Variants in PCDHA1 observed in about 807,000 individuals in gnomAD.
PCDHA1 encodes protocadherin alpha 1, also known as protocadherin alpha-1.
A neutral mutation model predicts 61.3 loss-of-function variants in PCDHA1; 42 were observed. The ratio of observed to expected loss-of-function variants is 0.69; its 90% CI spans 0.54 to 0.89. The LOEUF is 0.89. PCDHA1 is among the 40% of genes least tolerant of loss of function. PCDHA1 has a pLI of 0.00. For missense variants in PCDHA1, 1,256 were observed against 1,235.3 expected (o/e 1.02, Z -0.25); for synonymous variants, 610 against 553.8 (o/e 1.10, Z -1.43).
chr5:140,834,517 T>C, intron 1 of PCDHA1: 2 of 1,614,066 alleles, frequency 1.2e-6, no homozygotes, highest in South Asian at 1.1e-5. Context: ...GGCAACTTCG[T>C]GGGCCGCATC....
At chr5:140,841,820 G>A in intron 1 of PCDHA1, 2 of 1,613,910 alleles carry the variant, frequency 1.2e-6, no homozygotes, top group Non-Finnish European at 1.7e-6. Context: ...AGCTAACTCC[G>A]TGTTAACCTA....
chr5:140,814,582 T>C (rs1437019387), intron 1 of PCDHA1: 8 of 152,350 alleles, frequency 5.3e-5, no homozygotes, highest in South Asian at 2.1e-4. Flanking sequence ...TGTAAATTAC[T>C]GTACATAATT....
intron 1 of PCDHA1, chr5:140,849,696 T>C (rs2150445431): frequency 6.3e-7 from 1 of 1,598,686 alleles, no homozygotes; most frequent in South Asian, 1.1e-5. Context: ...GGTGTCCACC[T>C]ACAAGAATTA....
intron 1 of PCDHA1, among the ~76,000 whole-genome samples, chr5:140,888,420 C>T (rs947790198): frequency 3.3e-5 from 5 of 152,130 alleles, no homozygotes; most frequent in African/African-American, 4.8e-5. Context: ...AACATCCTAC[C>T]GTGCACAGGA....
chr5:140,899,654 G>C (rs1429177993), intron 1 of PCDHA1, among the ~76,000 whole-genome samples: 1 of 152,158 alleles, frequency 6.6e-6, no homozygotes, highest in African/African-American at 2.4e-5. Context: ...ATTTGGTTGT[G>C]TCTCTGCCCG....
chr5:140,877,411 C>T (rs781874450), intron 1 of PCDHA1: 75 of 1,613,818 alleles, frequency 4.6e-5, no homozygotes, highest in Non-Finnish European at 6.0e-5. Context: ...GCGCCACCGC[C>T]TGCTGGTGCT....
At chr5:140,808,322 A>T in intron 1 of PCDHA1, 2 of 1,614,226 alleles carry the variant, frequency 1.2e-6, no homozygotes, top group Non-Finnish European at 1.7e-6. Context: ...CGACAAAGAC[A>T]TGGGTGTCAA....
rs1554117629 is a variant in PCDHA1, at chr5:140,786,990, G to A, written c.700G>A (p.Asp234Asn). ...AGTTGAGCTGCTGATCACCGTCCTC[G>A]ACGTTAATGATAACGCCCCACTGTT... ...GTVELLITVL[D>N]VNDNAPLFDQ... Residue 234 changes from aspartate to asparagine, a missense_variant, in exon 1 of 4, where the codon GAC (aspartate) becomes AAC (asparagine). Asp to Asn is a conservative substitution (Grantham distance 23). Coordinates refer to ENST00000504120, the MANE Select transcript of PCDHA1 (RefSeq NM_018900.4). The A allele has an allele frequency of 1.2e-6, 2 of 1,614,134 alleles. No individual in the cohort carries two copies. Among genetic ancestry groups the A allele is most frequent in the Non-Finnish European group, 1.7e-6 (2 of 1,180,008 alleles).
At chr5:140,801,375 G>A (rs781848330) in intron 1 of PCDHA1, 1 of 1,613,516 alleles carries the variant, frequency 6.2e-7, no homozygotes, top group South Asian at 1.1e-5. Context: ...GGCGGAGCTG[G>A]TGCCGCGCCT....
chr5:140,827,397 T>C (rs1275430890), intron 1 of PCDHA1, among the ~76,000 whole-genome samples: 2 of 152,336 alleles, frequency 1.3e-5, no homozygotes, highest in East Asian at 3.9e-4. Context: ...ATAAATTAAA[T>C]GTGATAAAGA....
intron 1 of PCDHA1, among the ~76,000 whole-genome samples, chr5:140,838,757 T>C (rs2150292205): frequency 1.3e-5 from 2 of 151,922 alleles, no homozygotes; most frequent in African/African-American, 2.4e-5. Context: ...GCATCTTTTG[T>C]AGAGACTTTG....
intron 1 of PCDHA1, chr5:140,841,757 A>G (rs144800443): frequency 7.4e-6 from 12 of 1,613,818 alleles, no homozygotes; most frequent in African/African-American, 1.3e-5. Context: ...TTCAGAATCC[A>G]GAATGCCAGA....
intron 1 of PCDHA1, chr5:140,867,940 ACTT>A (rs2050206930): frequency 6.6e-6 from 1 of 152,110 alleles, no homozygotes; most frequent in African/African-American, 2.4e-5. Flanking sequence ...TTTTCCATGA[ACTT>A]CTGCTCCCAA....
chr5:140,966,852 T>C, intron 1 of PCDHA1: 1 of 1,572,518 alleles, frequency 6.4e-7, no homozygotes, highest in South Asian at 1.1e-5. Flanking sequence ...CTGCCTCTCC[T>C]GCTGCTGTTG....
chr5:140,895,914 A>G (rs570826611), intron 1 of PCDHA1, among the ~76,000 whole-genome samples: 43 of 152,162 alleles, frequency 2.8e-4, no homozygotes, highest in Non-Finnish European at 1.3e-4. Flanking sequence ...CGGGCTCAAC[A>G]ATTATCCTGC....
At chr5:140,870,643 G>T (rs782549928) in intron 1 of PCDHA1, 6 of 1,612,796 alleles carry the variant, frequency 3.7e-6, no homozygotes, top group Non-Finnish European at 5.1e-6. Flanking sequence ...CGCGGAGAGC[G>T]GCAAGGTGTA....
At position 140,828,154 on chromosome 5, in the gene PCDHA1, C is replaced by T. The variant is rs2150151490; in HGVS notation, c.2394+39470C>T. 28 of 1,614,164 alleles carry T rather than the reference C, an allele frequency of 1.7e-5. No homozygotes were observed. The Admixed American group carries it at 2.5e-4, about 14-fold the overall frequency. On this transcript the variant is annotated intron_variant, in intron 1 of 3. Coordinates refer to ENST00000504120, the MANE Select transcript of PCDHA1 (RefSeq NM_018900.4). The stretch of plus-strand genomic sequence containing the variant: ...GTCTGCTCCTCCCGCTTCTGCTCCT[C>T]GCAGCCTGGAAGGTGGGGAGCGGCC...
At chr5:140,998,721 C>T (rs987484967) in intron 3 of PCDHA1, among the ~76,000 whole-genome samples, 3 of 152,084 alleles carry the variant, frequency 2.0e-5, no homozygotes, top group Non-Finnish European at 2.9e-5. Context: ...TGCACCACCA[C>T]GCTAGGCTAA....
chr5:140,866,359 A>ATT (rs1376841789), intron 1 of PCDHA1: 14 of 152,148 alleles, frequency 9.2e-5, no homozygotes, highest in African/African-American at 2.9e-4. Context: ...TGTTTACAAT[A>ATT]TTGCATACTT....
Sources: gnomAD v4.1 joint callset for allele counts (sites outside exome capture counted in the v4.1 genomes callset) on GRCh38, gnomAD v4.1.1 for gene constraint, MANE v1.5 for transcripts, NCBI Gene and HGNC (gene_info 2026-07-23, HGNC 2026-07-21) for gene names.